DPP6: variants seen among roughly 807,000 people sequenced by gnomAD.
The protein encoded by DPP6 is dipeptidyl peptidase like 6.
Under a neutral mutation model 122.6 loss-of-function variants are expected in DPP6, and 69 were observed. The observed-to-expected ratio is 0.56, with a 90% CI of 0.46 to 0.69. DPP6 has a LOEUF of 0.69. Among genes scored for constraint, DPP6 ranks in the 30% least tolerant of loss-of-function variants. The probability of loss-of-function intolerance (pLI) is 0.00; values close to 1 mark genes in which losing one functional copy is unlikely to be tolerated. For synonymous variants in DPP6, 418 were observed against 433.1 expected, an observed-to-expected ratio of 0.97 and a Z score of 0.43; for missense variants, 928 against 1,116.9, an observed-to-expected ratio of 0.83 and a Z score of 2.41.
chr7:154,697,040 A>C (rs929686224), intron 7 of DPP6, among the ~76,000 whole-genome samples: 3 of 152,172 alleles, frequency 2.0e-5, no homozygotes, highest in African/African-American at 7.2e-5. Flanking sequence ...TGAATTCCTG[A>C]GTCCACTAAA....
chr7:154,177,846 A>G (rs1797881536), intron 1 of DPP6, among the ~76,000 whole-genome samples: 1 of 152,162 alleles, frequency 6.6e-6, no homozygotes, highest in Non-Finnish European at 1.5e-5. Flanking sequence ...GTGAAATTAA[A>G]CGCTTCGTAT....
At chr7:154,207,154 T>TAGCA (rs1336525226) in intron 1 of DPP6, among the ~76,000 whole-genome samples, 1 of 152,142 alleles carries the variant, frequency 6.6e-6, no homozygotes, top group Non-Finnish European at 1.5e-5. Context: ...CACACCCACA[T>TAGCA]AGCACACATA....
chr7:154,144,853 C>G (rs568626856), intron 1 of DPP6, among the ~76,000 whole-genome samples: 1 of 150,902 alleles, frequency 6.6e-6, no homozygotes, highest in Non-Finnish European at 1.5e-5. Context: ...GTCTGCAAAC[C>G]GGGAAGAGAG....
At chr7:154,090,928 G>A (rs971779859) in intron 1 of DPP6, among the ~76,000 whole-genome samples, 2 of 149,102 alleles carry the variant, frequency 1.3e-5, no homozygotes, top group East Asian at 2.0e-4. Context: ...AGACCATCCT[G>A]GCTAACACAG....
intron 1 of DPP6, among the ~76,000 whole-genome samples, chr7:153,966,483 C>T (rs1795729629): frequency 1.4e-5 from 2 of 147,332 alleles, no homozygotes; most frequent in Admixed American, 6.8e-5. Context: ...CGCCTTGGCC[C>T]CTTCTCCCGT....
intron 1 of DPP6, among the ~76,000 whole-genome samples, chr7:154,180,425 T>C (rs1318926018): frequency 1.4e-5 from 2 of 145,570 alleles, no homozygotes; most frequent in African/African-American, 5.0e-5. Flanking sequence ...CTATATATAA[T>C]ATATAATATA....
intron 7 of DPP6, among the ~76,000 whole-genome samples, chr7:154,697,818 G>C (rs1340428374): frequency 6.6e-6 from 1 of 152,132 alleles, no homozygotes; most frequent in African/African-American, 2.4e-5. Context: ...GGCGTGCGCG[G>C]CTCTGTCTGT....
At chr7:154,172,078 C>T (rs998537282) in intron 1 of DPP6, among the ~76,000 whole-genome samples, 4 of 152,096 alleles carry the variant, frequency 2.6e-5, no homozygotes, top group Non-Finnish European at 4.4e-5. Flanking sequence ...AAGGATGTGC[C>T]TCCCTTTCAC....
intron 1 of DPP6, among the ~76,000 whole-genome samples, chr7:154,253,399 A>G (rs184139544): frequency 1.3e-5 from 2 of 152,356 alleles, no homozygotes; most frequent in Non-Finnish European, 2.9e-5. Flanking sequence ...AAAGCCTGTC[A>G]AGAAAGCCCT....
chr7:153,915,259 C>G (rs1363640495), intron 1 of DPP6, among the ~76,000 whole-genome samples: 1 of 152,046 alleles, frequency 6.6e-6, no homozygotes, highest in Non-Finnish European at 1.5e-5. Flanking sequence ...GCAGAGAAAC[C>G]AAGTTTGTGA....
intron 1 of DPP6, among the ~76,000 whole-genome samples, chr7:154,127,652 G>GACACACACACACAGAC (rs1808025646): frequency 1.3e-5 from 1 of 79,106 alleles, no homozygotes; most frequent in African/African-American, 3.4e-5. Flanking sequence ...CACACACACA[G>GACACACACACACAGAC]ACACACACAC....
At chr7:154,417,241 G>C (rs1817104660) in intron 1 of DPP6, among the ~76,000 whole-genome samples, 1 of 152,150 alleles carries the variant, frequency 6.6e-6, no homozygotes, top group Non-Finnish European at 1.5e-5. Context: ...TATCTGGAAT[G>C]GTTTCTGTCT....
chr7:153,928,395 C>CCTTTTTTT (rs1467865041), intron 1 of DPP6, among the ~76,000 whole-genome samples: 5 of 29,988 alleles, frequency 1.7e-4, no homozygotes, highest in South Asian at 9.4e-4. Context: ...TCTTTTCTTT[C>CCTTTTTTT]ATTTTTTTTT....
At chr7:154,222,712 A>C (rs1020872259) in intron 1 of DPP6, among the ~76,000 whole-genome samples, 2 of 149,302 alleles carry the variant, frequency 1.3e-5, no homozygotes, top group Admixed American at 6.6e-5. Flanking sequence ...AACAGACAGA[A>C]CTCTTTCAGT....
intron 1 of DPP6, among the ~76,000 whole-genome samples, chr7:154,376,097 C>T (rs1049318143): frequency 7.2e-5 from 11 of 152,318 alleles, no homozygotes; most frequent in African/African-American, 2.6e-4. Flanking sequence ...AGACAGCACA[C>T]GGTGAGAGGC....
At chr7:153,758,394 A>G in the DPP6 span, among the ~76,000 whole-genome samples, 2 of 152,190 alleles carry the variant, frequency 1.3e-5, no homozygotes, top group African/African-American at 4.8e-5. Flanking sequence ...TTTAGAATGT[A>G]CGGTTTAATA....
intron 21 of DPP6, chr7:154,884,771 A>G (rs533525679): frequency 1.3e-5 from 2 of 152,186 alleles, no homozygotes; most frequent in African/African-American, 4.8e-5. Context: ...TCACACAGGC[A>G]TACACACATG....
At chr7:154,360,799 T>C (rs188890409) in intron 1 of DPP6, among the ~76,000 whole-genome samples, 128 of 152,342 alleles carry the variant, frequency 8.4e-4, no homozygotes, top group African/African-American at 2.8e-3. Flanking sequence ...GCAGCATAAA[T>C]ATTGCCCTCG....
At chr7:153,974,182 C>A (rs115726296) in intron 1 of DPP6, among the ~76,000 whole-genome samples, 2,339 of 152,256 alleles carry the variant, frequency 0.015, 63 homozygotes, top group African/African-American at 0.053. Flanking sequence ...TAAGGCACTG[C>A]AGGATGGCAT....
Sources: allele counts gnomAD v4.1 joint callset (sites outside exome capture counted in the v4.1 genomes callset), GRCh38; gene constraint gnomAD v4.1.1; transcripts MANE v1.5; gene names NCBI Gene and HGNC (gene_info 2026-07-23, HGNC 2026-07-21).